ANKAR: variants seen among roughly 807,000 people sequenced by gnomAD.
ANKAR encodes ankyrin and armadillo repeat containing.
ANKAR carries 136 observed loss-of-function variants against 146.2 expected under a neutral mutation model. That is an observed-to-expected ratio of 0.93 (90% CI 0.81 to 1.07). The LOEUF (loss-of-function observed/expected upper bound fraction) is 1.07, where lower values mean the gene tolerates loss of function less well. Among genes scored for constraint, ANKAR ranks in the 50% least tolerant of loss-of-function variants. The pLI is 0.00. For missense variants in ANKAR, 1,567 were observed against 1,679.9 expected (o/e 0.93, Z 1.18); for synonymous variants, 500 against 575.8 (o/e 0.87, Z 1.88).
At chr2:189,743,244 C>T (rs2105903570) in intron 20 of ANKAR, 31 bp from the exon 21 acceptor site, 2 of 1,596,036 alleles carry the variant, frequency 1.3e-6, no homozygotes, top group Non-Finnish European at 1.7e-6. Flanking sequence ...ACAAAGCCCA[C>T]TGGTTAAGAA....
chr2:189,680,379 A>C (rs1460299835), intron 2 of ANKAR, among the ~76,000 whole-genome samples: 1 of 151,924 alleles, frequency 6.6e-6, no homozygotes, highest in Non-Finnish European at 1.5e-5. Flanking sequence ...TTATCTTTTC[A>C]AAAAACCAGC....
At chr2:189,733,285 C>T in intron 17 of ANKAR, 56 bp downstream of exon 17, 1 of 1,409,454 alleles carries the variant, frequency 7.1e-7, no homozygotes. Flanking sequence ...TTTTATACCA[C>T]ATCTTCAAAT....
intron 12 of ANKAR, among the ~76,000 whole-genome samples, chr2:189,726,211 G>A (rs12693557): frequency 0.59 from 89,941 of 152,058 alleles, 30,145 homozygotes; most frequent in South Asian, 0.76. Flanking sequence ...TTGCAAGAGG[G>A]AAAATAGCAA....
At position 189,695,034 on chromosome 2, in the gene ANKAR, C is replaced by T. The variant is rs754124669; in HGVS notation, c.1361C>T (p.Thr454Ile). ...ACTTTCTATCAGCAACTATATAAGACACAGTGGTGGGGAGCCATAAATGAA... is the reference window on the plus strand; with the variant it reads ...ACTTTCTATCAGCAACTATATAAGATACAGTGGTGGGGAGCCATAAATGAA... ...LETFYQQLYK[T>I]QWWGAINEIV... Residue 454 changes from threonine to isoleucine, a missense_variant, in exon 6 of 23, where the codon ACA (threonine) becomes ATA (isoleucine). Thr to Ile is a moderately conservative substitution (Grantham distance 89). Transcript: ENST00000684021. 2.5e-6 allele frequency: 4 copies of T among 1,609,970 alleles called. No individual in the cohort carries two copies. Among genetic ancestry groups the T allele is most frequent in the Non-Finnish European group, 2.5e-6 (3 of 1,177,920 alleles).
chr2:189,743,166 C>A, intron 20 of ANKAR, 109 bp from the exon 21 acceptor site: 1 of 1,043,142 alleles, frequency 9.6e-7, no homozygotes, highest in Non-Finnish European at 1.4e-6. Context: ...TATTTGCTTA[C>A]ACTTGCTCCC....
chr2:189,679,693 A>G (rs144706662), intron 2 of ANKAR, among the ~76,000 whole-genome samples: 1,586 of 152,248 alleles, frequency 0.01, 35 homozygotes, highest in African/African-American at 0.036. Context: ...ATTTTGTCAA[A>G]TGCTTTTTCT....
chr2:189,730,384 C>A, intron 15 of ANKAR, 111 bp from the exon 16 acceptor site: 1 of 493,830 alleles, frequency 2.0e-6, no homozygotes, highest in Non-Finnish European at 3.5e-6. Flanking sequence ...TTGTAACTTA[C>A]TAACTGTATT....
rs1239404930 is a variant in ANKAR, at chr2:189,689,563, A to G, written c.638A>G (p.Glu213Gly). ...TDITKDPDFN[E>G]IYDEDVNEDP... ...ATTACAAAGGATCCAGACTTTAATG[A>G]AATCTATGATGAAGACGTGAATGAA... The change falls in exon 3 of 23, where the codon GAA (glutamate) becomes GGA (glycine). Residue 213 changes from glutamate (E) to glycine (G), a missense_variant. By Grantham distance (98) the Glu-to-Gly change is moderately conservative. Transcript: ENST00000684021. The G allele has an allele frequency of 1.9e-6, 3 of 1,602,616 alleles. No individual in the cohort carries two copies. The highest frequency in any genetic ancestry group is 2.6e-6 in the Non-Finnish European group (3 of 1,175,698).
intron 2 of ANKAR, among the ~76,000 whole-genome samples, chr2:189,677,672 TC>T (rs1165881787): frequency 1.3e-5 from 2 of 151,690 alleles, no homozygotes; most frequent in South Asian, 2.1e-4. Flanking sequence ...TTTCTTTCTT[TC>T]TTTTTTTTTT....
At chr2:189,677,997 C>A (rs929844156) in intron 2 of ANKAR, among the ~76,000 whole-genome samples, 1 of 152,164 alleles carries the variant, frequency 6.6e-6, no homozygotes, top group Non-Finnish European at 1.5e-5. Flanking sequence ...ACATTTAGTT[C>A]TTTAAAGAAT....
chr2:189,727,149 A>G (rs2105823718), intron 12 of ANKAR, among the ~76,000 whole-genome samples: 1 of 152,290 alleles, frequency 6.6e-6, no homozygotes, highest in East Asian at 1.9e-4. Flanking sequence ...GGTTAAAAGA[A>G]TATAGGAGAA....
At chr2:189,751,459 T>G (rs201885199), downstream of ANKAR, among the ~76,000 whole-genome samples, 5,007 of 150,852 alleles carry the variant, frequency 0.033, 91 homozygotes, top group South Asian at 0.07. Flanking sequence ...TTTTTTTTTT[T>G]TTTGAGATGG....
chr2:189,677,855 T>G (rs1227285767), intron 2 of ANKAR, among the ~76,000 whole-genome samples: 2 of 152,166 alleles, frequency 1.3e-5, no homozygotes, highest in African/African-American at 4.8e-5. Flanking sequence ...GCCTTTAGAC[T>G]GGTTCCATGT....
At chr2:189,742,959 CA>C (rs1559147873) in intron 20 of ANKAR, among the ~76,000 whole-genome samples, 35 of 144,198 alleles carry the variant, frequency 2.4e-4, no homozygotes, top group South Asian at 6.6e-4. Flanking sequence ...CACACACACA[CA>C]CACACACACA....
At chr2:189,737,566 A>G in intron 17 of ANKAR, 117 bp from the exon 18 acceptor site, 1 of 874,498 alleles carries the variant, frequency 1.1e-6, no homozygotes, top group Non-Finnish European at 1.7e-6. Context: ...GTAATGTCAT[A>G]TTTTACTCCC....
downstream of ANKAR, chr2:189,746,849 T>A (rs1029041674): frequency 2.6e-6 from 1 of 386,152 alleles, no homozygotes; most frequent in East Asian, 5.3e-5. Context: ...GGCCTGCACT[T>A]AAACCTTAAA....
At chr2:189,741,896 C>T (rs1391881144) in intron 20 of ANKAR, among the ~76,000 whole-genome samples, 4 of 152,158 alleles carry the variant, frequency 2.6e-5, no homozygotes, top group Non-Finnish European at 5.9e-5. Flanking sequence ...ACGTTGATGA[C>T]AAAGAAACTT....
At chr2:189,756,059 C>A (rs1247128758) in intron 18 of ANKAR, among the ~76,000 whole-genome samples, 1 of 152,108 alleles carries the variant, frequency 6.6e-6, no homozygotes, top group Non-Finnish European at 1.5e-5. Flanking sequence ...ACTAAGGCAT[C>A]AAAGTTTGTT....
chr2:189,695,670 G>T (rs2105566113), intron 6 of ANKAR, among the ~76,000 whole-genome samples: 1 of 152,256 alleles, frequency 6.6e-6, no homozygotes. Flanking sequence ...CAGCTTCAAA[G>T]GTTAGACTGG....
Sources: gnomAD v4.1 joint callset for allele counts (sites outside exome capture counted in the v4.1 genomes callset) on GRCh38, gnomAD v4.1.1 for gene constraint, MANE v1.5 for transcripts, NCBI Gene and HGNC (gene_info 2026-07-23, HGNC 2026-07-21) for gene names.